Variants in TMEM132C observed in about 807,000 individuals in gnomAD.
TMEM132C encodes the protein protein phosphatase 1, regulatory subunit 152.
Under a neutral mutation model 61.4 loss-of-function variants are expected in TMEM132C, and 29 were observed. The ratio of observed to expected loss-of-function variants is 0.47; its 90% CI spans 0.35 to 0.64. TMEM132C has a LOEUF of 0.64. TMEM132C is among the 30% of genes least tolerant of loss of function. The probability of loss-of-function intolerance (pLI) is 0.00; values close to 1 mark genes in which losing one functional copy is unlikely to be tolerated. For missense variants in TMEM132C, 1,408 were observed against 1,476.9 expected (o/e 0.95, Z 0.76); for synonymous variants, 656 against 633.1 (o/e 1.04, Z -0.54).
At chr12:128,526,292 AAAGTTCAAGATC>A (rs1873083676) in intron 2 of TMEM132C, among the ~76,000 whole-genome samples, 1 of 152,182 alleles carries the variant, frequency 6.6e-6, no homozygotes, top group Non-Finnish European at 1.5e-5. Flanking sequence ...TGGAGACTGG[AAAGTTCAAGATC>A]AAGCCACCTG....
intron 8 of TMEM132C, among the ~76,000 whole-genome samples, chr12:128,700,480 T>C (rs183364485): frequency 6.6e-6 from 1 of 152,280 alleles, no homozygotes; most frequent in African/African-American, 2.4e-5. Flanking sequence ...AGGGGCTTTT[T>C]TATGTTAACT....
chr12:128,560,174 G>A (rs1028731220), intron 3 of TMEM132C, among the ~76,000 whole-genome samples: 2 of 152,230 alleles, frequency 1.3e-5, no homozygotes, highest in Admixed American at 1.3e-4. Flanking sequence ...TTCAGCCCAG[G>A]CGACAGAAGC....
At chr12:128,438,466 C>G (rs1021835816) in intron 2 of TMEM132C, among the ~76,000 whole-genome samples, 3 of 152,094 alleles carry the variant, frequency 2.0e-5, no homozygotes, top group Admixed American at 6.6e-5. Context: ...GAGGTCCTCA[C>G]CAGATTCAGA....
chr12:128,607,588 T>C (rs896919735), intron 3 of TMEM132C, among the ~76,000 whole-genome samples: 1 of 152,068 alleles, frequency 6.6e-6, no homozygotes, highest in Admixed American at 6.6e-5. Context: ...AGTGCTCAGG[T>C]TCGGGATATG....
In TMEM132C at chr12:128,616,141, C is replaced by T; in HGVS notation, c.1122-11C>T. ...AGTTGGCTTAAAGCCAGTTTCTTTTCTCTCTTCCAGGAGCAGCAGTTTATT... is the reference window on the plus strand; with the variant it reads ...AGTTGGCTTAAAGCCAGTTTCTTTTTTCTCTTCCAGGAGCAGCAGTTTATT... On this transcript the variant is annotated splice_polypyrimidine_tract_variant and intron_variant, in intron 3 of 8. Coordinates refer to ENST00000435159, the MANE Select transcript of TMEM132C (RefSeq NM_001136103.3). The T allele has an allele frequency of 6.5e-7, 1 of 1,548,844 alleles. No homozygotes were observed. The highest frequency in any genetic ancestry group is 8.7e-7 in the Non-Finnish European group (1 of 1,145,612).
At chr12:128,701,404 T>C (rs34894511) in intron 8 of TMEM132C, among the ~76,000 whole-genome samples, 19,446 of 152,214 alleles carry the variant, frequency 0.13, 1,395 homozygotes, top group African/African-American at 0.18. Context: ...ACACAAGTGA[T>C]ATGACCCAAT....
At chr12:128,496,203 C>T (rs1348072922) in intron 2 of TMEM132C, among the ~76,000 whole-genome samples, 2 of 152,348 alleles carry the variant, frequency 1.3e-5, no homozygotes, top group Non-Finnish European at 1.5e-5. Flanking sequence ...GAGAGATCCA[C>T]TGTTAGTCTG....
At chr12:128,335,394 T>TG (rs1444370538) in intron 1 of TMEM132C, among the ~76,000 whole-genome samples, 9 of 152,238 alleles carry the variant, frequency 5.9e-5, no homozygotes, top group Non-Finnish European at 1.3e-4. Flanking sequence ...TTTGAATGTT[T>TG]TACATATTGG....
chr12:128,440,947 AG>A (rs1473388611), intron 2 of TMEM132C, among the ~76,000 whole-genome samples: 1 of 152,180 alleles, frequency 6.6e-6, no homozygotes, highest in East Asian at 1.9e-4. Context: ...AGGCTGAGGC[AG>A]GACAATCGCT....
chr12:128,705,003 CTGTT>C, intron 8 of TMEM132C, 83 bp from the exon 9 acceptor site: 1 of 1,407,090 alleles, frequency 7.1e-7, no homozygotes, highest in South Asian at 1.5e-5. Flanking sequence ...GTCCTGCTCC[CTGTT>C]TCATTGGGCG....
Position 128,563,774 on chromosome 12 carries a change from G to A in TMEM132C, c.1121+19671G>A, listed in dbSNP as rs113334685. ...TGACAAGCTTAGAACTGTGCTTGAC[G>A]CTTAGCAAATCCTCAATAAATATTA... On this transcript the variant is annotated intron_variant, in intron 3 of 8. Coordinates refer to ENST00000435159, the MANE Select transcript of TMEM132C (RefSeq NM_001136103.3). Among the ~76,000 whole-genome samples the A allele has an allele frequency of 3.4e-3, 517 of 152,272 alleles. 4 individuals are homozygous for A. Among genetic ancestry groups the A allele is most frequent in the Non-Finnish European group, 2.5e-3 (169 of 68,020 alleles).
chr12:128,344,193 T>C (rs968149148), intron 1 of TMEM132C, among the ~76,000 whole-genome samples: 1 of 152,236 alleles, frequency 6.6e-6, no homozygotes, highest in African/African-American at 2.4e-5. Context: ...AGTCTTGCTC[T>C]GTTGCCCAGG....
At chr12:128,463,032 A>G (rs1870595387) in intron 2 of TMEM132C, among the ~76,000 whole-genome samples, 1 of 152,088 alleles carries the variant, frequency 6.6e-6, no homozygotes. Flanking sequence ...GACGGCTGCT[A>G]CAGACTCCAA....
chr12:128,461,288 G>A (rs531141698), intron 2 of TMEM132C, among the ~76,000 whole-genome samples: 4 of 152,282 alleles, frequency 2.6e-5, no homozygotes, highest in African/African-American at 9.6e-5. Context: ...ACTGCAGGGA[G>A]CGTCATGAAC....
intron 3 of TMEM132C, among the ~76,000 whole-genome samples, chr12:128,604,118 T>A (rs1002639910): frequency 1.3e-5 from 2 of 152,176 alleles, no homozygotes; most frequent in Admixed American, 6.5e-5. Flanking sequence ...GAGTCAGGGT[T>A]CCCCAGAGAC....
chr12:128,697,097 T>TA, intron 7 of TMEM132C, 127 bp from the exon 8 acceptor site: 1 of 731,318 alleles, frequency 1.4e-6, no homozygotes, highest in Non-Finnish European at 2.1e-6. Flanking sequence ...GTGAAGTAGA[T>TA]ATGTAACTCC....
intron 3 of TMEM132C, among the ~76,000 whole-genome samples, chr12:128,605,131 A>C (rs1046975151): frequency 2.0e-5 from 3 of 147,426 alleles, no homozygotes; most frequent in Non-Finnish European, 3.0e-5. Flanking sequence ...AGATAGATAG[A>C]TAGATACATA....
intron 2 of TMEM132C, among the ~76,000 whole-genome samples, chr12:128,471,948 AG>A (rs1241544599): frequency 6.6e-5 from 10 of 152,310 alleles, no homozygotes; most frequent in Non-Finnish European, 1.2e-4. Flanking sequence ...ATATTTAGTT[AG>A]GTATGAAGAG....
Position 128,570,064 on chromosome 12 carries a change from A to G in TMEM132C, c.1121+25961A>G, listed in dbSNP as rs907236694. On this transcript the variant is annotated intron_variant, in intron 3 of 8. Coordinates refer to ENST00000435159, the MANE Select transcript of TMEM132C (RefSeq NM_001136103.3). The surrounding 1 kb of genome is among the most constrained non-coding windows in gnomAD (Gnocchi z 4.7). ...GAGAGATGGAGAATAAACACTGTCC[A>G]TATTAGGAAAAATATGAAAAAGCAT... 2.6e-5 allele frequency among the ~76,000 whole-genome samples: 4 copies of G among 152,226 alleles called. No homozygotes were observed. The highest frequency in any genetic ancestry group is 2.1e-4 in the South Asian group (1 of 4,834).
Sources: allele counts gnomAD v4.1 joint callset (sites outside exome capture counted in the v4.1 genomes callset), GRCh38; gene constraint gnomAD v4.1.1; non-coding constraint Gnocchi (gnomAD v3.1); transcripts MANE v1.5; gene names NCBI Gene and HGNC (gene_info 2026-07-23, HGNC 2026-07-21).